Variants in ROCK1 observed in about 807,000 individuals in gnomAD.
ROCK1 encodes the protein Rho associated coiled-coil containing protein kinase 1.
A neutral mutation model predicts 196.8 loss-of-function variants in ROCK1; 36 were observed. That is an observed-to-expected ratio of 0.18 (90% CI 0.14 to 0.24). The LOEUF (loss-of-function observed/expected upper bound fraction) is 0.24. Among genes scored for constraint, ROCK1 ranks in the 10% least tolerant of loss-of-function variants. The pLI is 1.00. For synonymous variants in ROCK1, 443 were observed against 515.9 expected, an observed-to-expected ratio of 0.86 and a Z score of 1.91; for missense variants, 920 against 1,562.0, an observed-to-expected ratio of 0.59 and a Z score of 6.93.
At chr18:21,110,095 T>C (rs1306452432) in intron 1 of ROCK1, among the ~76,000 whole-genome samples, 2 of 152,172 alleles carry the variant, frequency 1.3e-5, no homozygotes, top group Non-Finnish European at 2.9e-5. Flanking sequence ...ATTTTTAAAA[T>C]GGGATTGTGG....
chr18:21,019,928 G>C (rs575048309), intron 12 of ROCK1, among the ~76,000 whole-genome samples: 10 of 148,984 alleles, frequency 6.7e-5, no homozygotes, highest in Non-Finnish European at 1.3e-4. Context: ...AGACTGCCAG[G>C]AACAAATGTA....
chr18:20,954,065 T>C (rs2035217233), intron 31 of ROCK1, among the ~76,000 whole-genome samples: 1 of 149,310 alleles, frequency 6.7e-6, no homozygotes, highest in Non-Finnish European at 1.5e-5. Flanking sequence ...CTATGGTCTG[T>C]ATTCTTTCCC....
intron 27 of ROCK1, among the ~76,000 whole-genome samples, chr18:20,962,748 G>A (rs2035338732): frequency 6.6e-6 from 1 of 152,068 alleles, no homozygotes; most frequent in African/African-American, 2.4e-5. Context: ...TGCAAATAAA[G>A]GTGTCAAGAA....
chr18:21,090,108 T>C (rs1598559291), intron 1 of ROCK1, among the ~76,000 whole-genome samples: 1 of 152,242 alleles, frequency 6.6e-6, no homozygotes, highest in South Asian at 2.1e-4. Context: ...GATCTTTTAT[T>C]CATGGATGAT....
chr18:21,110,177 A>G (rs1009795315), intron 1 of ROCK1, among the ~76,000 whole-genome samples: 3 of 152,184 alleles, frequency 2.0e-5, no homozygotes, highest in African/African-American at 7.2e-5. Context: ...CACCAAAAAG[A>G]CAGTTACAAT....
intron 1 of ROCK1, among the ~76,000 whole-genome samples, chr18:21,085,612 G>T (rs1467883057): frequency 6.6e-6 from 1 of 152,100 alleles, no homozygotes; most frequent in Non-Finnish European, 1.5e-5. Flanking sequence ...ATTTAACAAG[G>T]TTCCAAAAGA....
intron 4 of ROCK1, among the ~76,000 whole-genome samples, chr18:21,045,711 A>C (rs1298741268): frequency 6.6e-6 from 1 of 152,112 alleles, no homozygotes; most frequent in Non-Finnish European, 1.5e-5. Flanking sequence ...AATTTTCTAC[A>C]CTATTTGAAT....
chr18:21,000,276 T>C (rs1363660047), intron 16 of ROCK1, among the ~76,000 whole-genome samples: 1 of 152,120 alleles, frequency 6.6e-6, no homozygotes, highest in African/African-American at 2.4e-5. Flanking sequence ...CTTTTTTTTT[T>C]TTGGAGACAG....
chr18:20,998,545 C>T (rs959934996), intron 16 of ROCK1, among the ~76,000 whole-genome samples: 4 of 151,388 alleles, frequency 2.6e-5, no homozygotes, highest in African/African-American at 9.7e-5. Context: ...AAAAAGTCTT[C>T]CAGCAAATAA....
chr18:20,978,362 A>T (rs2035499429), intron 22 of ROCK1, among the ~76,000 whole-genome samples: 2 of 152,154 alleles, frequency 1.3e-5, no homozygotes, highest in Admixed American at 1.3e-4. Flanking sequence ...TTCCTCCTAA[A>T]AATCAGATTT....
chr18:20,998,305 C>T (rs2035690423), intron 16 of ROCK1, among the ~76,000 whole-genome samples: 2 of 151,936 alleles, frequency 1.3e-5, no homozygotes, highest in African/African-American at 4.8e-5. Flanking sequence ...GAAAGCAGTA[C>T]AAGAAAGCTT....
intron 9 of ROCK1, among the ~76,000 whole-genome samples, chr18:21,037,888 T>C (rs1013935770): frequency 6.6e-6 from 1 of 152,132 alleles, no homozygotes; most frequent in African/African-American, 2.4e-5. Flanking sequence ...TAAATAGTTG[T>C]TGACTAAATT....
chr18:21,055,375 A>G (rs1236427526), intron 2 of ROCK1, among the ~76,000 whole-genome samples: 1 of 152,028 alleles, frequency 6.6e-6, no homozygotes, highest in Non-Finnish European at 1.5e-5. Context: ...CACACCTCCC[A>G]CAGCTCTCCC....
intron 4 of ROCK1, among the ~76,000 whole-genome samples, chr18:21,047,727 G>C (rs1395236021): frequency 6.6e-6 from 1 of 151,848 alleles, no homozygotes; most frequent in Non-Finnish European, 1.5e-5. Flanking sequence ...TCAGGGGGCA[G>C]AGCTTGCTTG....
chr18:20,954,475 C>T (rs1192315062), intron 31 of ROCK1, among the ~76,000 whole-genome samples: 5 of 151,758 alleles, frequency 3.3e-5, no homozygotes, highest in Admixed American at 2.6e-4. Context: ...ACTCAGGAGG[C>T]TGAGATAGGA....
chr18:21,065,407 G>A (rs1290299482), intron 2 of ROCK1, among the ~76,000 whole-genome samples: 6 of 151,320 alleles, frequency 4.0e-5, no homozygotes, highest in Admixed American at 1.3e-4. Flanking sequence ...ATTTATACCC[G>A]GAGGTTCATG....
intron 1 of ROCK1, among the ~76,000 whole-genome samples, chr18:21,073,063 CAAAAAAAAAAAAAAAA>C (rs541290068): frequency 1.5e-4 from 5 of 32,714 alleles, no homozygotes; most frequent in Admixed American, 1.2e-3. Context: ...ACTCCGTCTC[CAAAAAAAAAAAAAAAA>C]AAAAAAAAAA....
intron 31 of ROCK1, 94 bp downstream of exon 31, chr18:20,954,689 T>C: frequency 7.9e-7 from 1 of 1,264,454 alleles, no homozygotes. Flanking sequence ...TAATCTCTTT[T>C]CAACTTGGTA....
At chr18:21,072,492 A>T (rs756994111) in intron 1 of ROCK1, among the ~76,000 whole-genome samples, 11 of 152,216 alleles carry the variant, frequency 7.2e-5, no homozygotes, top group Non-Finnish European at 7.3e-5. Context: ...AGGAATGTGT[A>T]TGTCCAACTA....
Sources: gnomAD v4.1 joint callset for allele counts (sites outside exome capture counted in the v4.1 genomes callset) on GRCh38, gnomAD v4.1.1 for gene constraint, MANE v1.5 for transcripts, NCBI Gene and HGNC (gene_info 2026-07-23, HGNC 2026-07-21) for gene names.